MACF1: variants seen among roughly 807,000 people sequenced by gnomAD.
MACF1 encodes microtubule actin crosslinking factor 1, also known as microtubule-actin cross-linking factor 1.
MACF1 carries 193 observed loss-of-function variants against 854.8 expected under a neutral mutation model. The ratio of observed to expected loss-of-function variants is 0.23; its 90% CI spans 0.20 to 0.25. The LOEUF is 0.25. MACF1 is among the 10% of genes least tolerant of loss of function. The pLI, the probability that MACF1 is intolerant of heterozygous loss-of-function variation, is 1.00. For synonymous variants in MACF1, 3,185 were observed against 3,226.7 expected (o/e 0.99, Z 0.44); for missense variants, 7,722 against 8,929.1 (o/e 0.86, Z 5.45).
At chr1:39,309,805 G>A (rs1162217516) in intron 24 of MACF1, 109 bp downstream of exon 24, 39 of 1,204,774 alleles carry the variant, frequency 3.2e-5, no homozygotes, top group Non-Finnish European at 1.2e-6. Context: ...GAGTAAAGTG[G>A]ACTCAGGAAT....
intron 4 of MACF1, 196 bp from the exon 5 acceptor site, chr1:39,254,102 T>G (rs955650740): frequency 1.8e-6 from 1 of 562,874 alleles, no homozygotes; most frequent in East Asian, 2.9e-5. Flanking sequence ...ACACAAGACA[T>G]TTGGGGACCT....
intron 36 of MACF1, among the ~76,000 whole-genome samples, chr1:39,329,980 C>T (rs940961592): frequency 6.6e-6 from 1 of 152,220 alleles, no homozygotes; most frequent in Non-Finnish European, 1.5e-5. Context: ...CTGGAACTCA[C>T]TAGTTTTGTG....
At chr1:39,425,383 T>C (rs1229548529) in intron 61 of MACF1, among the ~76,000 whole-genome samples, 3 of 152,164 alleles carry the variant, frequency 2.0e-5, no homozygotes, top group Non-Finnish European at 4.4e-5. Context: ...TGAACCTTTC[T>C]GAAATAAGCC....
At position 39,334,698 on chromosome 1, in the gene MACF1, T is replaced by A. The variant is rs1347051655; in HGVS notation, c.8110T>A (p.Leu2704Met). The change falls in exon 37 of 101, where the codon TTG becomes ATG. Residue 2704 changes from leucine to methionine, a missense_variant. Leu to Met is a conservative substitution (Grantham distance 15). Coordinates refer to ENST00000564288, the MANE Select transcript of MACF1 (RefSeq NM_001394062.1). ...IDTATGKRLT[L>M]ASALEEKLVD... Reference sequence around the variant, plus strand: ...TACTGCTACTGGAAAAAGACTGACATTGGCATCAGCTTTGGAAGAGAAACT... The same window carrying A: ...TACTGCTACTGGAAAAAGACTGACAATGGCATCAGCTTTGGAAGAGAAACT... The A allele has an allele frequency of 6.2e-7, 1 of 1,613,938 alleles. No individual in the cohort carries two copies. Among genetic ancestry groups the A allele is most frequent in the East Asian group, 2.2e-5 (1 of 44,888 alleles).
intron 29 of MACF1, 133 bp from the exon 30 acceptor site, chr1:39,318,320 G>C: frequency 1.3e-6 from 1 of 755,284 alleles, no homozygotes; most frequent in Non-Finnish European, 2.1e-6. Context: ...TTGCATCGCT[G>C]TTCCCCGTAG....
At chr1:39,248,941 T>C (rs1006946761) in intron 2 of MACF1, among the ~76,000 whole-genome samples, 2 of 152,096 alleles carry the variant, frequency 1.3e-5, no homozygotes, top group Admixed American at 1.3e-4. Flanking sequence ...TTGCCCAGGC[T>C]GATCTCGAAC....
intron 11 of MACF1, 34 bp from the exon 12 acceptor site, chr1:39,285,049 C>A (rs1234019560): frequency 1.2e-6 from 2 of 1,610,790 alleles, no homozygotes; most frequent in Admixed American, 1.7e-5. Flanking sequence ...GAGGGCATGG[C>A]TGTGTTTTTG....
chr1:39,467,250 A>G (rs1644689023), intron 95 of MACF1, among the ~76,000 whole-genome samples: 1 of 152,158 alleles, frequency 6.6e-6, no homozygotes, highest in African/African-American at 2.4e-5. Context: ...CTGTAGTCCC[A>G]GCTACTCGGA....
rs767073078 is a variant in MACF1, at chr1:39,334,325, C to G, written c.7737C>G (p.Ala2579=). ...AAAGAGAAATCCAGGAGGTTCAGGC[C>G]TTTACTGGAAACTTTGTGGATCTCA... The part of the protein sequence containing the change: ...DLKREIQEVQ[A]FTGNFVDLIS... Residue 2579 remains alanine (A), a synonymous_variant, in exon 37 of 101, where the codon GCC becomes GCG. Coordinates refer to ENST00000564288, the MANE Select transcript of MACF1 (RefSeq NM_001394062.1). 1 of 1,613,932 alleles carries G rather than the reference C, an allele frequency of 6.2e-7. No homozygotes were observed. Among genetic ancestry groups the G allele is most frequent in the East Asian group, 2.2e-5 (1 of 44,894 alleles).
Position 39,456,451 on chromosome 1 carries a change from A to G in MACF1, c.21075+1354A>G, listed in dbSNP as rs111425204. Among the ~76,000 whole-genome samples, 959 of 152,340 alleles carry G rather than the reference A, an allele frequency of 6.3e-3. 7 individuals are homozygous for G. Among genetic ancestry groups the G allele is most frequent in the Non-Finnish European group, 0.01 (687 of 68,022 alleles). On this transcript the variant is annotated intron_variant, in intron 89 of 100. Transcript: ENST00000564288. ...AGATGATTTTGCCTAACTGTAGGCT[A>G]ACGTGTTTTGAGCATGTTTAAGGTA...
At chr1:39,452,855 C>T in intron 87 of MACF1, 43 bp downstream of exon 87, 2 of 1,599,508 alleles carry the variant, frequency 1.3e-6, no homozygotes, top group Non-Finnish European at 1.7e-6. Flanking sequence ...CTACCTACCA[C>T]CTTGAGGGCT....
chr1:39,434,526 A>C lies in MACF1; in HGVS notation c.17678A>C (p.Tyr5893Ser). 1 of 1,614,030 alleles carries C rather than the reference A, an allele frequency of 6.2e-7. No homozygotes were observed. Among genetic ancestry groups the C allele is most frequent in the Non-Finnish European group, 8.5e-7 (1 of 1,180,014 alleles). ...QVLVNQFWET[Y>S]EELSPWIEET... ...TTAGTAAACCAGTTTTGGGAAACTT[A>C]TGAAGAGCTCAGCCCCTGGATTGAG... is the stretch of plus-strand genomic sequence containing the variant. Residue 5893 changes from tyrosine to serine, a missense_variant, in exon 69 of 101, where the codon TAT becomes TCT. Transcript: ENST00000564288.
rs2148435674 is a variant in MACF1, at chr1:39,310,842, G to A, written c.3112G>A (p.Glu1038Lys). ...MKSMENEDKE[E>K]TVAKMYISEL... is the part of the protein sequence containing the mutation. ...TTGTTCATTCACAGAGGACAAAGAG[G>A]AGACTGTGGCCAAGATGTACATTTC... Residue 1038 changes from glutamate to lysine, a missense_variant, in exon 26 of 101, where the codon GAG becomes AAG. By Grantham distance (56) the Glu-to-Lys change is moderately conservative. Around this residue, in one of 15 missense-constraint regions of MACF1, gnomAD observed 1,137 missense variants for 1,263.0 expected, o/e 0.90. Coordinates refer to ENST00000564288, the MANE Select transcript of MACF1 (RefSeq NM_001394062.1). 3 of 1,611,900 alleles carry A rather than the reference G, an allele frequency of 1.9e-6. No homozygotes were observed. Among genetic ancestry groups the A allele is most frequent in the Non-Finnish European group, 1.7e-6 (2 of 1,178,920 alleles).
chr1:39,476,561 ACT>A (rs1271842119), intron 97 of MACF1, among the ~76,000 whole-genome samples: 6 of 149,194 alleles, frequency 4.0e-5, no homozygotes, highest in Admixed American at 1.4e-4. Context: ...ACAGAACAAG[ACT>A]CTGTCTCAAA....
At chr1:39,168,163 T>C (rs1039743991) in intron 2 of MACF1, among the ~76,000 whole-genome samples, 4 of 152,200 alleles carry the variant, frequency 2.6e-5, no homozygotes, top group Admixed American at 6.5e-5. Context: ...CTCTGAGATC[T>C]CTTGTCTACT....
chr1:39,448,221 A>G, intron 83 of MACF1, 69 bp downstream of exon 83: 1 of 1,518,580 alleles, frequency 6.6e-7, no homozygotes, highest in African/African-American at 1.4e-5. Flanking sequence ...TGCCAAAAAT[A>G]AAAATCAGAG....
chr1:39,289,641 C>A (rs1192338654), intron 15 of MACF1, among the ~76,000 whole-genome samples: 2 of 144,860 alleles, frequency 1.4e-5, no homozygotes, highest in Non-Finnish European at 3.0e-5. Context: ...AGTTATTAAT[C>A]CCTTGTCAGA....
intron 31 of MACF1, among the ~76,000 whole-genome samples, chr1:39,319,974 C>G (rs1054560783): frequency 6.6e-6 from 1 of 152,124 alleles, no homozygotes; most frequent in Non-Finnish European, 1.5e-5. Context: ...TTTGCGTGAC[C>G]GTAGGCCCTT....
At chr1:39,447,155 G>A (rs1183578122) in intron 80 of MACF1, among the ~76,000 whole-genome samples, 2 of 152,174 alleles carry the variant, frequency 1.3e-5, no homozygotes, top group Admixed American at 6.5e-5. Flanking sequence ...TCTTATTCCC[G>A]TTCAAGGAAG....
Sources: gnomAD v4.1 joint callset for allele counts (sites outside exome capture counted in the v4.1 genomes callset) on GRCh38, gnomAD v4.1.1 for gene constraint, gnomAD v4.1.1 regional missense constraint, MANE v1.5 for transcripts, NCBI Gene and HGNC (gene_info 2026-07-23, HGNC 2026-07-21) for gene names.